Variants in NDUFAF6 observed in about 807,000 individuals in gnomAD.
NDUFAF6 encodes the protein NADH dehydrogenase (ubiquinone) complex I, assembly factor 6.
NDUFAF6 carries 45 observed loss-of-function variants against 40.8 expected under a neutral mutation model. That is an observed-to-expected ratio of 1.10 (90% CI 0.87 to 1.42). NDUFAF6 has a LOEUF of 1.42. Ranked by LOEUF, NDUFAF6 falls within the 40% of genes most tolerant of loss-of-function variation. The pLI, the probability that NDUFAF6 is intolerant of heterozygous loss-of-function variation, is 0.00. For missense variants in NDUFAF6, 435 were observed against 418.5 expected (o/e 1.04, Z -0.34); for synonymous variants, 185 against 155.9 (o/e 1.19, Z -1.39).
chr8:94,997,335 C>CAGAG (rs1352657153), intron 2 of NDUFAF6, among the ~76,000 whole-genome samples: 3 of 137,406 alleles, frequency 2.2e-5, no homozygotes, highest in African/African-American at 8.5e-5. Context: ...CACACACACA[C>CAGAG]ACACACACAG....
At chr8:95,026,941 G>A (rs1828218969) in intron 1 of NDUFAF6, among the ~76,000 whole-genome samples, 1 of 148,412 alleles carries the variant, frequency 6.7e-6, no homozygotes, top group African/African-American at 2.5e-5. Context: ...CAGCTACTGC[G>A]AGGCTGAGGC....
intron 2 of NDUFAF6, among the ~76,000 whole-genome samples, chr8:94,987,928 G>A (rs777766583): frequency 5.3e-5 from 8 of 152,058 alleles, no homozygotes; most frequent in Non-Finnish European, 8.8e-5. Context: ...CTCCCCTAGC[G>A]TTCTCCCCTA....
chr8:94,964,760 T>TCC (rs1823874027), intron 1 of NDUFAF6, among the ~76,000 whole-genome samples: 1 of 152,098 alleles, frequency 6.6e-6, no homozygotes, highest in Non-Finnish European at 1.5e-5. Flanking sequence ...ACCAAATATC[T>TCC]CCCACTGAGC....
upstream of NDUFAF6, among the ~76,000 whole-genome samples, chr8:95,024,760 C>T (rs1827863477): frequency 2.0e-5 from 3 of 152,104 alleles, no homozygotes; most frequent in South Asian, 4.1e-4. Context: ...TGTGGATGCA[C>T]GTGGGGGAAG....
At chr8:94,940,369 ATCT>A (rs1821412774) in intron 1 of NDUFAF6, 5 of 892,726 alleles carry the variant, frequency 5.6e-6, no homozygotes, top group South Asian at 1.8e-5. Flanking sequence ...ATGCTCACGT[ATCT>A]TCTTTTATTT....
rs1057519086 is a variant in NDUFAF6, at chr8:95,052,177, A to G, written c.820A>G (p.Arg274Gly). Reference sequence around the variant, plus strand: ...TTCCTCTCCTCTTCCTTTTTAGGCTAGGTCCTTTCACAAAACTGTTCCTGT... The same window carrying G: ...TTCCTCTCCTCTTCCTTTTTAGGCTGGGTCCTTTCACAAAACTGTTCCTGT... ...SQAHLHLKHA[R>G]SFHKTVPVKA... is the part of the protein sequence containing the mutation. The change falls in exon 8 of 9, where the codon AGG becomes GGG. Residue 274 changes from arginine to glycine, a missense_variant. Coordinates refer to ENST00000396124, the MANE Select transcript of NDUFAF6 (RefSeq NM_152416.4). 1.2e-6 allele frequency: 2 copies of G among 1,614,102 alleles called. No individual in the cohort carries two copies. The highest frequency in any genetic ancestry group is 4.5e-5 in the East Asian group (2 of 44,864).
upstream of NDUFAF6, among the ~76,000 whole-genome samples, chr8:94,954,641 G>A (rs1822917850): frequency 6.7e-6 from 1 of 149,402 alleles, no homozygotes; most frequent in Admixed American, 6.8e-5. Flanking sequence ...TCCAGGAGCA[G>A]GAAGAGCAAG....
chr8:94,923,864 A>G (rs1258848669), intron 1 of NDUFAF6, among the ~76,000 whole-genome samples: 2 of 136,526 alleles, frequency 1.5e-5, no homozygotes, highest in Admixed American at 7.4e-5. Flanking sequence ...TTTTTTCTGT[A>G]TTTTTAGTAT....
chr8:95,031,723 C>T (rs1307126937), intron 1 of NDUFAF6, among the ~76,000 whole-genome samples: 1 of 152,164 alleles, frequency 6.6e-6, no homozygotes, highest in Admixed American at 6.5e-5. Context: ...GCCTCAGCCA[C>T]TCAAGTAGCT....
chr8:95,006,976 T>A (rs559312851), intron 2 of NDUFAF6, among the ~76,000 whole-genome samples: 7 of 150,284 alleles, frequency 4.7e-5, no homozygotes, highest in Non-Finnish European at 1.0e-4. Flanking sequence ...TTGGAGTCCA[T>A]ATAATCCAAT....
intron 1 of NDUFAF6, among the ~76,000 whole-genome samples, chr8:94,968,803 G>C (rs1824225807): frequency 6.6e-6 from 1 of 152,182 alleles, no homozygotes; most frequent in Non-Finnish European, 1.5e-5. Flanking sequence ...AGGGGAGAGA[G>C]AGCAAAATCA....
intron 1 of NDUFAF6, among the ~76,000 whole-genome samples, chr8:94,977,482 C>G (rs908610668): frequency 2.7e-5 from 4 of 150,030 alleles, no homozygotes; most frequent in Admixed American, 2.7e-4. Context: ...ATGATCACAC[C>G]TCTGCACTCC....
intron 2 of NDUFAF6, among the ~76,000 whole-genome samples, chr8:94,985,602 C>G (rs1291709438): frequency 1.6e-5 from 2 of 126,006 alleles, no homozygotes; most frequent in East Asian, 5.4e-4. Context: ...ATGGTGCAAT[C>G]TCAGCTCACT....
At chr8:95,055,411 C>G (rs1831997356) in intron 8 of NDUFAF6, 1 of 151,996 alleles carries the variant, frequency 6.6e-6, no homozygotes, top group Non-Finnish European at 1.5e-5. Flanking sequence ...GTTGAAATTA[C>G]ACTTCATGTT....
chr8:94,957,024 T>G (rs1337062858), upstream of NDUFAF6, among the ~76,000 whole-genome samples: 1 of 151,996 alleles, frequency 6.6e-6, no homozygotes, highest in Non-Finnish European at 1.5e-5. Flanking sequence ...ATACAAAAAT[T>G]ACCCGGGCGG....
chr8:95,003,113 G>A (rs1389060327), intron 2 of NDUFAF6, among the ~76,000 whole-genome samples: 37 of 152,150 alleles, frequency 2.4e-4, no homozygotes. Flanking sequence ...AGAGGGCCCT[G>A]GAGTCATATT....
At chr8:95,078,677 A>ATC (rs1389166824), downstream of NDUFAF6, 459 of 148,416 alleles carry the variant, frequency 3.1e-3, 4 homozygotes, top group African/African-American at 0.011. Context: ...ATATATATAT[A>ATC]TATATCCCCT....
chr8:95,018,271 A>G (rs1440007541), intron 2 of NDUFAF6, among the ~76,000 whole-genome samples: 1 of 151,262 alleles, frequency 6.6e-6, no homozygotes, highest in Non-Finnish European at 1.5e-5. Context: ...TCCTGGGTTC[A>G]AGCAATCCTC....
intron 1 of NDUFAF6, among the ~76,000 whole-genome samples, chr8:94,963,926 A>G (rs898303052): frequency 6.6e-6 from 1 of 152,096 alleles, no homozygotes; most frequent in Non-Finnish European, 1.5e-5. Context: ...TTATCATTCA[A>G]CTTCATTTTC....
Sources: gnomAD v4.1 joint callset for allele counts (sites outside exome capture counted in the v4.1 genomes callset) on GRCh38, gnomAD v4.1.1 for gene constraint, MANE v1.5 for transcripts, NCBI Gene and HGNC (gene_info 2026-07-23, HGNC 2026-07-21) for gene names.